NELL2: variants seen among roughly 807,000 people sequenced by gnomAD.
NELL2 encodes the protein neural EGFL like 2, also known as protein kinase C-binding protein NELL2.
In NELL2, 41 loss-of-function variants were observed where a neutral mutation model predicts 109.6. That is an observed-to-expected ratio of 0.37 (90% confidence interval 0.29 to 0.49). NELL2 has a LOEUF of 0.49. Ranked by LOEUF, NELL2 falls within the 20% of genes least tolerant of loss-of-function variation. NELL2 has a pLI of 0.98. For synonymous variants in NELL2, 355 were observed against 344.7 expected (o/e 1.03, Z -0.33); for missense variants, 900 against 1,008.3 (o/e 0.89, Z 1.45).
intron 13 of NELL2, among the ~76,000 whole-genome samples, chr12:44,616,374 C>T (rs1945822773): frequency 6.6e-6 from 1 of 152,156 alleles, no homozygotes; most frequent in Admixed American, 6.5e-5. Flanking sequence ...GCTTCACTTT[C>T]CCTAACCCAA....
chr12:44,855,285 G>A (rs558260204), intron 2 of NELL2, among the ~76,000 whole-genome samples: 24 of 152,152 alleles, frequency 1.6e-4, no homozygotes, highest in Admixed American at 4.6e-4. Context: ...AGATTCCTGG[G>A]ATTCATCCCC....
At chr12:44,511,112 T>A (rs74085071) in intron 19 of NELL2, among the ~76,000 whole-genome samples, 18,050 of 152,124 alleles carry the variant, frequency 0.12, 2,197 homozygotes, top group African/African-American at 0.31. Flanking sequence ...TTAGGAAGGG[T>A]TTCTTTGTTT....
At chr12:44,619,421 T>C (rs1229478599) in intron 13 of NELL2, among the ~76,000 whole-genome samples, 2 of 152,202 alleles carry the variant, frequency 1.3e-5, no homozygotes, top group Non-Finnish European at 2.9e-5. Context: ...GGAAAACTAA[T>C]CTAACAGTAA....
At chr12:44,601,004 G>A (rs1215815425) in intron 15 of NELL2, among the ~76,000 whole-genome samples, 1 of 151,886 alleles carries the variant, frequency 6.6e-6, no homozygotes, top group African/African-American at 2.4e-5. Context: ...CGAATTCAAA[G>A]GCACAATACA....
intron 12 of NELL2, among the ~76,000 whole-genome samples, chr12:44,693,737 C>T (rs1948972809): frequency 6.6e-6 from 1 of 152,094 alleles, no homozygotes; most frequent in Admixed American, 6.6e-5. Context: ...AGATGAATAG[C>T]TAATGCAAGT....
chr12:44,720,516 G>A (rs1938712866), intron 9 of NELL2, among the ~76,000 whole-genome samples: 1 of 152,128 alleles, frequency 6.6e-6, no homozygotes, highest in African/African-American at 2.4e-5. Flanking sequence ...TCTGAAATGG[G>A]AGCAGTAAGA....
At chr12:44,680,815 A>G (rs1444578398) in intron 12 of NELL2, among the ~76,000 whole-genome samples, 1 of 152,140 alleles carries the variant, frequency 6.6e-6, no homozygotes, top group East Asian at 1.9e-4. Flanking sequence ...AATCGCAGTT[A>G]TTGTTGTTGT....
intron 3 of NELL2, among the ~76,000 whole-genome samples, chr12:44,814,326 A>G (rs553308070): frequency 6.6e-6 from 1 of 152,330 alleles, no homozygotes; most frequent in East Asian, 1.9e-4. Flanking sequence ...AATGTGCAAA[A>G]TTAAGGCGAA....
At chr12:44,804,328 T>C (rs1942928750) in intron 3 of NELL2, among the ~76,000 whole-genome samples, 1 of 151,936 alleles carries the variant, frequency 6.6e-6, no homozygotes, top group Non-Finnish European at 1.5e-5. Flanking sequence ...TCAGCTGTTA[T>C]GAAACATATC....
intron 1 of NELL2, chr12:44,921,679 AGGT>A (rs1324131527): frequency 6.6e-6 from 1 of 152,244 alleles, no homozygotes; most frequent in Non-Finnish European, 1.5e-5. Flanking sequence ...AAAAGACACA[AGGT>A]GGTGTTTGAT....
intron 1 of NELL2, among the ~76,000 whole-genome samples, chr12:44,900,473 C>A (rs1450704850): frequency 6.6e-6 from 1 of 152,094 alleles, no homozygotes; most frequent in Non-Finnish European, 1.5e-5. Flanking sequence ...CAAAATCGCA[C>A]AACTACATGG....
intron 12 of NELL2, among the ~76,000 whole-genome samples, chr12:44,690,671 C>CT (rs1456039589): frequency 1.3e-5 from 2 of 152,176 alleles, no homozygotes; most frequent in Non-Finnish European, 2.9e-5. Context: ...AATGTCACCT[C>CT]TGCTAGTAAG....
intron 19 of NELL2, among the ~76,000 whole-genome samples, chr12:44,511,752 A>G (rs938138920): frequency 6.6e-6 from 1 of 152,196 alleles, no homozygotes; most frequent in Non-Finnish European, 1.5e-5. Context: ...GTGTCCTTCT[A>G]AGATATAAAG....
intron 13 of NELL2, among the ~76,000 whole-genome samples, chr12:44,657,046 G>A (rs1456473889): frequency 6.6e-6 from 1 of 152,212 alleles, no homozygotes; most frequent in Non-Finnish European, 1.5e-5. Flanking sequence ...AAAGGGGCAT[G>A]CATGGGTTAC....
rs35033058 is a variant in NELL2 at position 44,644,623 on chromosome 12, T to TACAC, written c.1444+20860_1444+20861insGTGT. Reference sequence around the variant, plus strand: ...ATATATGTATGTATATATATATATATATACATACATATATATATATATATA... The same window carrying TACAC: ...ATATATGTATGTATATATATATATATACACATACATACATATATATATATATATA... On this transcript the variant is annotated intron_variant, in intron 13 of 19. Coordinates refer to ENST00000429094, the MANE Select transcript of NELL2 (RefSeq NM_001145108.2). Among the ~76,000 whole-genome samples, 134 of 78,892 alleles carry TACAC rather than the reference T, an allele frequency of 1.7e-3. 3 individuals are homozygous for TACAC. Among genetic ancestry groups the TACAC allele is most frequent in the African/African-American group, 5.9e-3 (127 of 21,422 alleles). 51.8% of individuals were successfully genotyped at this position (78,892 alleles called of 152,430 possible).
chr12:44,681,530 T>C (rs1948504732), intron 12 of NELL2, among the ~76,000 whole-genome samples: 1 of 152,152 alleles, frequency 6.6e-6, no homozygotes, highest in Non-Finnish European at 1.5e-5. Context: ...ACTCGTCATC[T>C]AGCATTAGGT....
intron 12 of NELL2, among the ~76,000 whole-genome samples, chr12:44,694,981 T>C (rs978884157): frequency 6.8e-6 from 1 of 148,080 alleles, no homozygotes; most frequent in African/African-American, 2.5e-5. Flanking sequence ...TGTGAGATGG[T>C]AAGCAGCTGA....
chr12:44,699,705 T>A (rs1455708223), intron 12 of NELL2, among the ~76,000 whole-genome samples: 1 of 152,148 alleles, frequency 6.6e-6, no homozygotes, highest in Non-Finnish European at 1.5e-5. Context: ...CTCAATGTCA[T>A]CTGTGAGGTT....
chr12:44,811,208 G>C (rs1566447950), intron 3 of NELL2, among the ~76,000 whole-genome samples: 1 of 151,778 alleles, frequency 6.6e-6, no homozygotes. Context: ...AGAGCATTAG[G>C]ACAAATACCT....
Sources: allele counts gnomAD v4.1 joint callset (sites outside exome capture counted in the v4.1 genomes callset), GRCh38; gene constraint gnomAD v4.1.1; transcripts MANE v1.5; gene names NCBI Gene and HGNC (gene_info 2026-07-23, HGNC 2026-07-21).